KCNH2: variants seen among roughly 807,000 people sequenced by gnomAD.
KCNH2 encodes the protein potassium voltage-gated channel subfamily H member 2, also known as voltage-gated inwardly rectifying potassium channel KCNH2.
KCNH2 carries 35 observed loss-of-function variants against 95.9 expected under a neutral mutation model. The ratio of observed to expected loss-of-function variants is 0.37; its 90% CI spans 0.28 to 0.48. The LOEUF (loss-of-function observed/expected upper bound fraction) is 0.48, where lower values mean the gene tolerates loss of function less well. Among genes scored for constraint, KCNH2 ranks in the 20% least tolerant of loss-of-function variants. The pLI, the probability that KCNH2 is intolerant of heterozygous loss-of-function variation, is 0.99. For synonymous variants in KCNH2, 786 were observed against 754.7 expected (o/e 1.04, Z -0.68); for missense variants, 1,274 against 1,702.9 (o/e 0.75, Z 4.43).
At position 150,951,793 on chromosome 7, in the gene KCNH2, G is replaced by T. The variant is rs199472916; in HGVS notation, c.1600C>A (p.Arg534Ser). The T allele has an allele frequency of 6.3e-7, 1 of 1,589,886 alleles. No individual in the cohort carries two copies. Among genetic ancestry groups the T allele is most frequent in the Non-Finnish European group, 8.6e-7 (1 of 1,164,940 alleles). Residue 534 changes from arginine (R) to serine (S), a missense_variant, in exon 7 of 15, where the codon CGC becomes AGC. Around this residue, in one of 7 missense-constraint regions of KCNH2, gnomAD observed 147 missense variants for 344.4 expected, o/e 0.43. Transcript: ENST00000262186. ...LKTARLLRLVRVARKLDRYSE... is the reference protein window; with the variant it reads ...LKTARLLRLVSVARKLDRYSE... The stretch of plus-strand genomic sequence containing the variant: ...TAGCGATCCAGCTTCCGCGCCACGC[G>T]CACCAGCCGCAGCAGCCGCGCAGTC...
chr7:150,948,279 T>C (rs903058910), intron 11 of KCNH2, among the ~76,000 whole-genome samples, 165 bp downstream of exon 11: 9 of 152,108 alleles, frequency 5.9e-5, no homozygotes, highest in African/African-American at 1.7e-4. Context: ...GCAGGGGCCC[T>C]GAAAGATGGG....
intron 2 of KCNH2, among the ~76,000 whole-genome samples, chr7:150,967,318 A>G (rs929828956): frequency 6.6e-6 from 1 of 152,206 alleles, no homozygotes; most frequent in Non-Finnish European, 1.5e-5. Flanking sequence ...TATGAAGAAC[A>G]AGGGAGATCC....
chr7:150,970,487 G>A (rs1207135029), intron 2 of KCNH2, among the ~76,000 whole-genome samples: 1 of 152,222 alleles, frequency 6.6e-6, no homozygotes, highest in Non-Finnish European at 1.5e-5. Flanking sequence ...GTTGCGTCAT[G>A]CCTGCCTCAC....
chr7:150,951,570 T>C lies in KCNH2; in HGVS notation c.1823A>G (p.Lys608Arg), dbSNP rs2116960760. ...GTAGAGCGCCGTCACATACTTGTCC[T>C]TGATGGAGGGGCCGCCCAGGCCGCT... ...NSSGLGGPSI[K>R]DKYVTALYFT... The change falls in exon 7 of 15, where the codon AAG becomes AGG. Residue 608 changes from lysine to arginine, a missense_variant. By Grantham distance (26) the Lys-to-Arg change is conservative. This residue lies in a region of KCNH2 where 147 missense variants were observed against 344.4 expected (regional missense o/e 0.43). Coordinates refer to ENST00000262186, the MANE Select transcript of KCNH2 (RefSeq NM_000238.4). The C allele has an allele frequency of 1.9e-6, 3 of 1,614,204 alleles. No homozygotes were observed. Among genetic ancestry groups the C allele is most frequent in the South Asian group, 2.2e-5 (2 of 91,084 alleles).
intron 11 of KCNH2, 43 bp from the exon 12 acceptor site, chr7:150,947,921 A>T (rs1800978335): frequency 3.3e-6 from 5 of 1,521,352 alleles, no homozygotes; most frequent in Non-Finnish European, 4.4e-6. Context: ...GGAGGAGAAC[A>T]GAGAGGAGGG....
At position 150,947,070 on chromosome 7, in the gene KCNH2, G is replaced by C. The variant is rs779662956; in HGVS notation, c.3153-16C>G. ...GGTCTCCAGCCTGGGGCAGGAAGTG[G>C]GGGATGCTCAGAGAAGTGGGGACAC... On this transcript the variant is annotated splice_polypyrimidine_tract_variant and intron_variant, in intron 13 of 14. Coordinates refer to ENST00000262186, the MANE Select transcript of KCNH2 (RefSeq NM_000238.4). 3.8e-6 allele frequency: 6 copies of C among 1,582,296 alleles called. No individual in the cohort carries two copies. The highest frequency in any genetic ancestry group is 1.2e-5 in the South Asian group (1 of 86,882).
At chr7:150,955,421 C>A (rs1219643674) in intron 5 of KCNH2, 3 of 1,564,114 alleles carry the variant, frequency 1.9e-6, no homozygotes, top group East Asian at 2.4e-5. Flanking sequence ...GCTGGAGATG[C>A]GCACGGCCCG....
At chr7:150,951,927 G>A in intron 6 of KCNH2, 92 bp from the exon 7 acceptor site, 15 of 1,259,516 alleles carry the variant, frequency 1.2e-5, no homozygotes, top group Non-Finnish European at 1.5e-5. Flanking sequence ...GAGCATCAGA[G>A]GTCAGATCCC....
At position 150,971,140 on chromosome 7, in the gene KCNH2, G is replaced by A. The variant is rs545040329; in HGVS notation, c.307+3571C>T. 1.5e-3 allele frequency among the ~76,000 whole-genome samples: 229 copies of A among 152,264 alleles called. 11 individuals are homozygous for A. In the South Asian group the frequency reaches 0.045, roughly 30 times the overall value. ...AGGCAAGGAAGAAGACAGGACAGAC[G>A]GCCTTGGGGGACGGAGAAGGGCAGG... is the stretch of plus-strand genomic sequence containing the variant. On this transcript the variant is annotated intron_variant, in intron 2 of 14. Transcript: ENST00000262186.
intron 2 of KCNH2, among the ~76,000 whole-genome samples, chr7:150,967,652 T>C (rs375523408): frequency 2.6e-5 from 4 of 152,236 alleles, no homozygotes; most frequent in South Asian, 2.1e-4. Context: ...GGATAGATTA[T>C]AGACCTAACT....
rs574634066 is a variant in KCNH2 at position 150,945,897 on chromosome 7, T to C, written c.3331-383A>G. On this transcript the variant is annotated intron_variant, in intron 14 of 14. Coordinates refer to ENST00000262186, the MANE Select transcript of KCNH2 (RefSeq NM_000238.4). This position sits in a 1 kb window ranked among gnomAD's most constrained non-coding sequence, Gnocchi z 5.6. The stretch of plus-strand genomic sequence containing the variant: ...GGACAGAAAAAGAGACAAGATTCCT[T>C]CCCGCAATCCAGAAAGAACTCGGGG... Among the ~76,000 whole-genome samples the C allele has an allele frequency of 1.1e-4, 16 of 152,220 alleles. No homozygotes were observed. In the East Asian group the frequency reaches 3.1e-3, roughly 29 times the overall value.
At position 150,974,659 on chromosome 7, in the gene KCNH2, C is replaced by T. The variant is rs895134627; in HGVS notation, c.307+52G>A. On this transcript the variant is annotated intron_variant, in intron 2 of 14. Coordinates refer to ENST00000262186, the MANE Select transcript of KCNH2 (RefSeq NM_000238.4). The stretch of plus-strand genomic sequence containing the variant: ...CGCACCCTGCCCCTCGCCGTGGTCC[C>T]GCCCCTCTTGACCCCGCCCCTGGTC... 13 of 1,422,694 alleles carry T rather than the reference C, an allele frequency of 9.1e-6. No homozygotes were observed. In the East Asian group the frequency reaches 2.2e-4, roughly 24 times the overall value. 88.1% of individuals were successfully genotyped at this position (1,422,694 alleles called of 1,614,324 possible).
rs539146547 is a variant in KCNH2, at chr7:150,952,757, C to A, written c.1225G>T (p.Val409Leu). 1.2e-6 allele frequency: 2 copies of A among 1,614,026 alleles called. No homozygotes were observed. Among genetic ancestry groups the A allele is most frequent in the Non-Finnish European group, 1.7e-6 (2 of 1,180,036 alleles). The change falls in exon 6 of 15, where the codon GTG (valine) becomes TTG (leucine). Residue 409 changes from valine (V) to leucine (L), a missense_variant. Coordinates refer to ENST00000262186, the MANE Select transcript of KCNH2 (RefSeq NM_000238.4). The surrounding 1 kb of genome is among the most constrained non-coding windows in gnomAD (Gnocchi z 7.3). ...AGCAGCAGGATGAGCCAGTCCCACA[C>A]GGCCTTGAAGGGGCTGTAATGCAGG... ...TILHYSPFKA[V>L]WDWLILLLVI...
Position 150,974,757 on chromosome 7 carries a change from C to T in KCNH2, c.261G>A (p.Leu87=). The T allele has an allele frequency of 6.2e-7, 1 of 1,606,796 alleles. No homozygotes were observed. The highest frequency in any genetic ancestry group is 8.5e-7 in the Non-Finnish European group (1 of 1,177,354). ...RAAAQIAQAL[L]GAEERKVEIA... is the part of the protein sequence containing the mutation. ...TTTCCACTTTGCGCTCCTCGGCGCC[C>T]AGCAGTGCCTGCGCGATCTGCGCGG... Residue 87 remains leucine, a synonymous_variant, in exon 2 of 15, where the codon CTG becomes CTA. Coordinates refer to ENST00000262186, the MANE Select transcript of KCNH2 (RefSeq NM_000238.4).
intron 9 of KCNH2, chr7:150,949,785 G>A: frequency 4.1e-6 from 5 of 1,209,642 alleles, no homozygotes; most frequent in South Asian, 1.6e-5. Context: ...GATGTGTCAA[G>A]GGGCCAGGCA....
rs28412497 is a variant in KCNH2 at position 150,966,393 on chromosome 7, A to T, written c.308-6657T>A. Among the ~76,000 whole-genome samples, 4 of 52,606 alleles carry T rather than the reference A, an allele frequency of 7.6e-5. 1 individual carries two copies. In the South Asian group the frequency reaches 2.3e-3, roughly 30 times the overall value. 34.5% of individuals were successfully genotyped at this position (52,606 alleles called of 152,430 possible). On this transcript the variant is annotated intron_variant, in intron 2 of 14. Transcript: ENST00000262186. Reference sequence around the variant, plus strand: ...TTGATTTGCCCCCTCCCCCCCCCCCACACACACACACACACAGGACACTGT... The same window carrying T: ...TTGATTTGCCCCCTCCCCCCCCCCCTCACACACACACACACAGGACACTGT...
At position 150,958,430 on chromosome 7, in the gene KCNH2, G is replaced by C. The variant is rs1057517742; in HGVS notation, c.545C>G (p.Ser182Trp). 6.9e-7 allele frequency: 1 copy of C among 1,457,128 alleles called. No individual in the cohort carries two copies. The highest frequency in any genetic ancestry group is 9.0e-7 in the Non-Finnish European group (1 of 1,111,940). 90.3% of individuals were successfully genotyped at this position (1,457,128 alleles called of 1,614,324 possible). A position where few individuals can be genotyped will look rare whatever the true frequency, so the allele number is the denominator to read the frequency against. The stretch of plus-strand genomic sequence containing the variant: ...GGCGCCCGCGCCGCCCGCGCCGCCC[G>C]ACCGCACCGACGACTCCCGGGCCGT... ...ALTARESSVR[S>W]GGAGGAGAPG... The change falls in exon 4 of 15, where the codon TCG becomes TGG. Residue 182 changes from serine to tryptophan, a missense_variant. By Grantham distance (177) the Ser-to-Trp change is radical. Coordinates refer to ENST00000262186, the MANE Select transcript of KCNH2 (RefSeq NM_000238.4).
Position 150,958,416 on chromosome 7 carries a change from C to A in KCNH2, c.559G>T (p.Gly187Cys). ...ACCACGGCCCCCGGGGCGCCCGCGCCGCCCGCGCCGCCCGACCGCACCGAC... is the reference window on the plus strand; with the variant it reads ...ACCACGGCCCCCGGGGCGCCCGCGCAGCCCGCGCCGCCCGACCGCACCGAC... ...ESSVRSGGAG[G>C]AGAPGAVVVD... is the part of the protein sequence containing the mutation. Residue 187 changes from glycine (G) to cysteine (C), a missense_variant, in exon 4 of 15, where the codon GGC becomes TGC. Coordinates refer to ENST00000262186, the MANE Select transcript of KCNH2 (RefSeq NM_000238.4). 1 of 1,437,444 alleles carries A rather than the reference C, an allele frequency of 7.0e-7. No homozygotes were observed. 89.0% of individuals were successfully genotyped at this position (1,437,444 alleles called of 1,614,324 possible).
At chr7:150,977,181 G>A (rs1426844189) in intron 1 of KCNH2, among the ~76,000 whole-genome samples, 2 of 152,090 alleles carry the variant, frequency 1.3e-5, no homozygotes, top group African/African-American at 4.8e-5. Context: ...CACAACTTGG[G>A]GGTACCACAG....
Sources: allele counts gnomAD v4.1 joint callset (sites outside exome capture counted in the v4.1 genomes callset), GRCh38; gene constraint gnomAD v4.1.1; regional missense constraint gnomAD v4.1.1; non-coding constraint Gnocchi (gnomAD v3.1); transcripts MANE v1.5; gene names NCBI Gene and HGNC (gene_info 2026-07-23, HGNC 2026-07-21).